SLC25A24: variants seen among roughly 807,000 people sequenced by gnomAD.
SLC25A24 encodes solute carrier family 25 member 24, also known as mitochondrial adenyl nucleotide antiporter SLC25A24.
Under a neutral mutation model 60.7 loss-of-function variants are expected in SLC25A24, and 49 were observed. The observed-to-expected ratio is 0.81, with a 90% CI of 0.64 to 1.02. SLC25A24 has a LOEUF of 1.02. Ranked by LOEUF, SLC25A24 falls within the 50% of genes least tolerant of loss-of-function variation. The pLI, the probability that SLC25A24 is intolerant of heterozygous loss-of-function variation, is 0.00. For missense variants in SLC25A24, 564 were observed against 586.3 expected (o/e 0.96, Z 0.39); for synonymous variants, 202 against 200.6 (o/e 1.01, Z -0.06).
At position 108,185,939 on chromosome 1, in the gene SLC25A24, C is replaced by A; in HGVS notation, c.199G>T (p.Gly67Ter). Residue 67 changes from glycine (G) to a stop codon, truncating the protein, a stop_gained, in exon 2 of 10, where the codon GGA becomes TGA. Transcript: ENST00000565488. LOFTEE classifies it high-confidence loss of function. Reference protein sequence around the residue: ...QDAEEKIFTTGDVNKDGKLDF... With the variant: ...QDAEEKIFTT ...AGCTTCCCATCTTTGTTGACATCTCCAGTAGTAAAAATTTTCTATAAAAAA... is the reference window on the plus strand; with the variant it reads ...AGCTTCCCATCTTTGTTGACATCTCAAGTAGTAAAAATTTTCTATAAAAAA... The A allele has an allele frequency of 6.3e-7, 1 of 1,585,510 alleles. No homozygotes were observed. Among genetic ancestry groups the A allele is most frequent in the Non-Finnish European group, 8.6e-7 (1 of 1,165,466 alleles).
At chr1:108,141,837 TAC>T (rs1425920166) in intron 8 of SLC25A24, among the ~76,000 whole-genome samples, 1 of 152,166 alleles carries the variant, frequency 6.6e-6, no homozygotes, top group Non-Finnish European at 1.5e-5. Context: ...GAAAGTAGGT[TAC>T]ACAGCGCTGG....
chr1:108,159,509 G>C (rs61797042), intron 4 of SLC25A24, among the ~76,000 whole-genome samples: 2 of 138,854 alleles, frequency 1.4e-5, no homozygotes, highest in South Asian at 2.3e-4. Flanking sequence ...GGTGTTTCTC[G>C]CAGAGGGGGA....
At position 108,199,962 on chromosome 1, in the gene SLC25A24, G is replaced by A. The variant is rs1233280337; in HGVS notation, c.177C>T (p.Ala59=). The A allele has an allele frequency of 6.2e-7, 1 of 1,604,780 alleles. No homozygotes were observed. The highest frequency in any genetic ancestry group is 2.2e-5 in the East Asian group (1 of 44,466). Residue 59 remains alanine (A), a synonymous_variant, in exon 1 of 10, where the codon GCC becomes GCT. Coordinates refer to ENST00000565488, the MANE Select transcript of SLC25A24 (RefSeq NM_013386.5). ...CGCCCCGGCGGCGACCCACCTCCTCGGCGTCCTGGCCCAGAGGGATGCCCA... is the reference window on the plus strand; with the variant it reads ...CGCCCCGGCGGCGACCCACCTCCTCAGCGTCCTGGCCCAGAGGGATGCCCA... ...RNLGIPLGQD[A]EEKIFTTGDV...
At chr1:108,143,522 A>G in intron 8 of SLC25A24, 21 bp downstream of exon 8, 1 of 1,591,486 alleles carries the variant, frequency 6.3e-7, no homozygotes, top group Non-Finnish European at 8.5e-7. Context: ...TTTCCAATTC[A>G]AAAGATTTCT....
chr1:108,160,774 C>T (rs1571290781), intron 4 of SLC25A24, among the ~76,000 whole-genome samples: 2 of 152,212 alleles, frequency 1.3e-5, no homozygotes, highest in Admixed American at 1.3e-4. Context: ...ATAGCGAAAC[C>T]CCGTCTCCAC....
At chr1:108,157,729 T>C in intron 4 of SLC25A24, 109 bp from the exon 5 acceptor site, 1 of 1,258,150 alleles carries the variant, frequency 7.9e-7, no homozygotes, top group South Asian at 1.5e-5. Context: ...TGAACTTCAT[T>C]CCCTAGAATT....
At chr1:108,147,578 T>C (rs1679638307) in intron 7 of SLC25A24, among the ~76,000 whole-genome samples, 1 of 152,212 alleles carries the variant, frequency 6.6e-6, no homozygotes, top group Non-Finnish European at 1.5e-5. Flanking sequence ...CATTCTTAGG[T>C]CAAGGGCTGT....
At chr1:108,173,802 G>C (rs918746791) in intron 3 of SLC25A24, among the ~76,000 whole-genome samples, 4 of 152,210 alleles carry the variant, frequency 2.6e-5, no homozygotes, top group Non-Finnish European at 5.9e-5. Flanking sequence ...TGAAGTCCAG[G>C]CTGAGATGAT....
rs902660969 is a variant in SLC25A24, at chr1:108,193,597, C to T, written c.183+6359G>A. On this transcript the variant is annotated intron_variant, in intron 1 of 9. Transcript: ENST00000565488. ...CCAATCTGCTGCTGATGGGTACCTA[C>T]ATTGTGTTGTAGGAATCCTTTTCTA... Among the ~76,000 whole-genome samples the T allele has an allele frequency of 4.3e-5, 6 of 139,794 alleles. 1 individual carries two copies. The highest frequency in any genetic ancestry group is 2.4e-4 in the Admixed American group (3 of 12,446). 91.7% of individuals were successfully genotyped at this position (139,794 alleles called of 152,430 possible). A position where few individuals can be genotyped will look rare whatever the true frequency, so the allele number is the denominator to read the frequency against.
chr1:108,180,330 A>G (rs1770580), intron 3 of SLC25A24, among the ~76,000 whole-genome samples: 30,147 of 151,362 alleles, frequency 0.2, 3,095 homozygotes, highest in Admixed American at 0.22. Flanking sequence ...GCACCATTGC[A>G]CTCCAGCCTG....
intron 1 of SLC25A24, among the ~76,000 whole-genome samples, chr1:108,195,241 T>A (rs2101649278): frequency 6.6e-6 from 1 of 152,280 alleles, no homozygotes; most frequent in Non-Finnish European, 1.5e-5. Context: ...AAAGGTGAGT[T>A]GGGGCCTTAA....
At chr1:108,199,824 G>A (rs1409540604) in intron 1 of SLC25A24, 132 bp downstream of exon 1, 7 of 708,486 alleles carry the variant, frequency 9.9e-6, no homozygotes, top group South Asian at 1.9e-5. Flanking sequence ...TGAAGCCACC[G>A]GAGCGCTGGG....
At chr1:108,177,771 C>A (rs1453826738) in intron 3 of SLC25A24, among the ~76,000 whole-genome samples, 6 of 152,178 alleles carry the variant, frequency 3.9e-5, no homozygotes. Context: ...TTTTCAGTGT[C>A]ACAATTTATA....
chr1:108,157,455 A>G lies in SLC25A24; in HGVS notation c.669+7T>C. 1 of 1,611,830 alleles carries G rather than the reference A, an allele frequency of 6.2e-7. No individual in the cohort carries two copies. The highest frequency in any genetic ancestry group is 8.5e-7 in the Non-Finnish European group (1 of 1,178,428). On this transcript the variant is annotated splice_region_variant and intron_variant, in intron 5 of 9. Coordinates refer to ENST00000565488, the MANE Select transcript of SLC25A24 (RefSeq NM_013386.5). ...GGCAAACCTGGACACACGATAATAA[A>G]GCTCACCTGCATCATGATTTTCAGA...
At chr1:108,172,004 T>C (rs1356697187) in intron 3 of SLC25A24, among the ~76,000 whole-genome samples, 1 of 152,158 alleles carries the variant, frequency 6.6e-6, no homozygotes, top group East Asian at 1.9e-4. Context: ...CAGAAACAAA[T>C]TGCATAGTCA....
intron 2 of SLC25A24, among the ~76,000 whole-genome samples, chr1:108,185,318 C>T (rs968304878): frequency 5.9e-5 from 9 of 152,170 alleles, no homozygotes; most frequent in African/African-American, 2.2e-4. Context: ...AAGGTACACA[C>T]TTAAACGTTT....
At position 108,143,782 on chromosome 1, in the gene SLC25A24, T is replaced by A. The variant is rs544819105; in HGVS notation, c.931-72A>T. 24 of 1,196,212 alleles carry A rather than the reference T, an allele frequency of 2.0e-5. No homozygotes were observed. In the Admixed American group the frequency reaches 3.5e-4, roughly 17 times the overall value. 74.1% of individuals were successfully genotyped at this position (1,196,212 alleles called of 1,614,324 possible). The stretch of plus-strand genomic sequence containing the variant: ...CATCATGGGATTCAAATGAAGTAAT[T>A]TTACATGGAACAAATACCTAGCACA... On this transcript the variant is annotated intron_variant, in intron 7 of 9. Coordinates refer to ENST00000565488, the MANE Select transcript of SLC25A24 (RefSeq NM_013386.5).
rs1185113097 is a variant in SLC25A24 at position 108,148,336 on chromosome 1, T to C, written c.873A>G (p.Arg291=). ...EEGQKIGTFE[R]FISGSMAGAT... ...CTCCAGCCATGGAACCAGAAATAAA[T>C]CTCTCAAATGTTCCTATTTTTTGTC... Residue 291 remains arginine (R), a synonymous_variant, in exon 7 of 10, where the codon AGA becomes AGG. Transcript: ENST00000565488. 1.9e-6 allele frequency: 3 copies of C among 1,613,252 alleles called. No individual in the cohort carries two copies. The highest frequency in any genetic ancestry group is 1.7e-6 in the Non-Finnish European group (2 of 1,179,280).
At chr1:108,145,561 T>C (rs941425716) in intron 7 of SLC25A24, among the ~76,000 whole-genome samples, 1 of 147,562 alleles carries the variant, frequency 6.8e-6, no homozygotes, top group Admixed American at 6.9e-5. Flanking sequence ...TTTAAGACTT[T>C]AATCTATCTT....
Sources: gnomAD v4.1 joint callset for allele counts (sites outside exome capture counted in the v4.1 genomes callset) on GRCh38, gnomAD v4.1.1 for gene constraint, MANE v1.5 for transcripts, NCBI Gene and HGNC (gene_info 2026-07-23, HGNC 2026-07-21) for gene names.